KALRN: variants seen among roughly 807,000 people sequenced by gnomAD.
KALRN encodes the protein kalirin.
Under a neutral mutation model 353.7 loss-of-function variants are expected in KALRN, and 70 were observed. The observed-to-expected ratio is 0.20, with a 90% confidence interval of 0.16 to 0.24. KALRN has a LOEUF of 0.24. Among genes scored for constraint, KALRN ranks in the 10% least tolerant of loss-of-function variants. The pLI is 1.00. For missense variants in KALRN, 2,791 were observed against 3,756.7 expected, an observed-to-expected ratio of 0.74 and a Z score of 6.72; for synonymous variants, 1,391 against 1,434.8, an observed-to-expected ratio of 0.97 and a Z score of 0.69.
At chr3:124,289,397 A>G (rs2076231123) in intron 5 of KALRN, among the ~76,000 whole-genome samples, 3 of 152,014 alleles carry the variant, frequency 2.0e-5, no homozygotes. Flanking sequence ...TGACTTTTGG[A>G]GTTATGTGGA....
chr3:124,446,932 A>C, intron 21 of KALRN, 47 bp downstream of exon 21: 1 of 1,591,804 alleles, frequency 6.3e-7, no homozygotes, highest in South Asian at 1.1e-5. Flanking sequence ...AGAACTCTCC[A>C]TTCTGGCCAA....
At chr3:124,152,332 G>C in intron 1 of KALRN, 1 of 1,225,916 alleles carries the variant, frequency 8.2e-7, no homozygotes, top group Non-Finnish European at 1.2e-6. Context: ...CTTCACAAAG[G>C]TTCCATTGAA....
chr3:124,044,281 A>G (rs1432986517), intron 1 of KALRN, among the ~76,000 whole-genome samples: 1 of 152,136 alleles, frequency 6.6e-6, no homozygotes, highest in Non-Finnish European at 1.5e-5. Flanking sequence ...TGTTGCTGCC[A>G]CCAAAGGGTG....
intron 45 of KALRN, among the ~76,000 whole-genome samples, chr3:124,662,200 T>C (rs1284481638): frequency 0.15 from 15,222 of 101,534 alleles, 837 homozygotes; most frequent in African/African-American, 0.16. Context: ...ATTCTTTTTT[T>C]TTTTTTTTTT....
intron 10 of KALRN, among the ~76,000 whole-genome samples, chr3:124,368,537 A>G (rs1278345361): frequency 1.3e-5 from 2 of 148,246 alleles, no homozygotes; most frequent in Non-Finnish European, 3.0e-5. Context: ...CACTTCCTAG[A>G]TGGGATGGCG....
intron 51 of KALRN, among the ~76,000 whole-genome samples, chr3:124,683,515 C>G (rs1286966788): frequency 6.6e-6 from 1 of 152,186 alleles, no homozygotes; most frequent in Non-Finnish European, 1.5e-5. Context: ...TGACTTGGGC[C>G]TTCAAGGATA....
chr3:124,532,576 T>C (rs1432511351), intron 33 of KALRN, among the ~76,000 whole-genome samples: 2 of 152,026 alleles, frequency 1.3e-5, no homozygotes, highest in African/African-American at 2.4e-5. Context: ...GAGGCTGAGG[T>C]GGGCGGATCA....
chr3:124,691,032 A>G (rs533884946), intron 51 of KALRN, among the ~76,000 whole-genome samples: 2 of 152,328 alleles, frequency 1.3e-5, no homozygotes, highest in African/African-American at 4.8e-5. Flanking sequence ...CCCTTGGGCT[A>G]GGGCCCTGAG....
intron 33 of KALRN, among the ~76,000 whole-genome samples, chr3:124,501,518 A>G (rs2064535204): frequency 6.6e-6 from 1 of 152,238 alleles, no homozygotes; most frequent in South Asian, 2.1e-4. Flanking sequence ...GGGAAATTCA[A>G]AGGATTCCTG....
chr3:124,291,592 G>T (rs1266870884), intron 5 of KALRN, among the ~76,000 whole-genome samples: 1 of 152,194 alleles, frequency 6.6e-6, no homozygotes, highest in Admixed American at 6.5e-5. Flanking sequence ...ACATGTAAGG[G>T]TGTTAGACAT....
At chr3:124,064,047 C>A (rs1347855123) in intron 1 of KALRN, among the ~76,000 whole-genome samples, 1 of 152,178 alleles carries the variant, frequency 6.6e-6, no homozygotes, top group Non-Finnish European at 1.5e-5. Context: ...TTTTGACCAA[C>A]ATTTGTCAAG....
chr3:124,268,712 G>A (rs376112865), intron 4 of KALRN, 31 bp from the exon 5 acceptor site: 68 of 1,608,638 alleles, frequency 4.2e-5, no homozygotes, highest in Non-Finnish European at 5.4e-5. Context: ...TGACATCACT[G>A]AGTATCCTTG....
Position 124,693,797 on chromosome 3 carries a change from T to C in KALRN, c.7378-7T>C. 6.4e-7 allele frequency: 1 copy of C among 1,554,186 alleles called. No individual in the cohort carries two copies. Among genetic ancestry groups the C allele is most frequent in the East Asian group, 2.3e-5 (1 of 44,332 alleles). ...CAAGCAATTTTCTGTGTCTTTTTGT[T>C]TTTCAGATCTTAAATCCAAATTTCA... On this transcript the variant is annotated splice_polypyrimidine_tract_variant and splice_region_variant and intron_variant, in intron 51 of 59. Transcript: ENST00000682506.
At chr3:124,169,174 T>C (rs1320100398) in intron 1 of KALRN, among the ~76,000 whole-genome samples, 1 of 152,232 alleles carries the variant, frequency 6.6e-6, no homozygotes, top group Non-Finnish European at 1.5e-5. Context: ...TGGAAGGCTT[T>C]GCACATTGAG....
At chr3:124,551,486 C>T (rs2070525971) in intron 33 of KALRN, among the ~76,000 whole-genome samples, 1 of 152,138 alleles carries the variant, frequency 6.6e-6, no homozygotes, top group Non-Finnish European at 1.5e-5. Flanking sequence ...GAGATGGGCT[C>T]ATGTTGGTGG....
intron 44 of KALRN, among the ~76,000 whole-genome samples, chr3:124,661,296 T>C (rs915477294): frequency 1.3e-5 from 2 of 152,218 alleles, no homozygotes; most frequent in African/African-American, 2.4e-5. Context: ...AAAGCCTCAG[T>C]ATGCAATTTT....
At position 124,585,496 on chromosome 3, in the gene KALRN, G is replaced by A. The variant is rs552745914; in HGVS notation, c.5182+22407G>A. 3.3e-5 allele frequency among the ~76,000 whole-genome samples: 5 copies of A among 152,250 alleles called. No individual in the cohort carries two copies. The East Asian group carries it at 9.7e-4, about 29-fold the overall frequency. On this transcript the variant is annotated intron_variant, in intron 34 of 59. Transcript: ENST00000682506. ...CTCATTAATTAACAACTCTCTCTGT[G>A]CCCAGTTAGGACTGTATTTAATTAT...
chr3:124,103,112 C>T lies in KALRN; in HGVS notation c.73+69299C>T, dbSNP rs149959429. Among the ~76,000 whole-genome samples the T allele has an allele frequency of 1.1e-3, 170 of 152,276 alleles. 1 individual carries two copies. Among genetic ancestry groups the T allele is most frequent in the Middle Eastern group, 0.01 (3 of 294 alleles). ...GAAGAGCTCCATCTGTCTGTCTCTC[C>T]AGCATGCATGTTAAACTGGGAGCCC... On this transcript the variant is annotated intron_variant, in intron 1 of 59. Transcript: ENST00000682506.
At chr3:124,661,060 C>G in intron 44 of KALRN, 87 bp downstream of exon 44, 1 of 1,084,562 alleles carries the variant, frequency 9.2e-7, no homozygotes. Context: ...CTCAGGAGGA[C>G]CGTGGATCCA....
Sources: gnomAD v4.1 joint callset for allele counts (sites outside exome capture counted in the v4.1 genomes callset) on GRCh38, gnomAD v4.1.1 for gene constraint, MANE v1.5 for transcripts, NCBI Gene and HGNC (gene_info 2026-07-23, HGNC 2026-07-21) for gene names.